BCAS3: variants seen among roughly 807,000 people sequenced by gnomAD.
The protein encoded by BCAS3 is BCAS4/BCAS3 fusion.
Under a neutral mutation model 116.1 loss-of-function variants are expected in BCAS3, and 53 were observed. The observed-to-expected ratio is 0.46, with a 90% confidence interval of 0.37 to 0.57. The LOEUF is 0.57. BCAS3 is among the 20% of genes least tolerant of loss of function. The pLI is 0.00. For synonymous variants in BCAS3, 391 were observed against 408.2 expected (o/e 0.96, Z 0.51); for missense variants, 917 against 1,165.4 (o/e 0.79, Z 3.10).
chr17:61,147,080 A>C (rs2077264074), intron 22 of BCAS3, among the ~76,000 whole-genome samples: 2 of 151,246 alleles, frequency 1.3e-5, no homozygotes, highest in African/African-American at 4.9e-5. Context: ...ATGCCTGGCT[A>C]ATTTTTTTTT....
chr17:60,906,032 A>T (rs539713721), intron 11 of BCAS3, among the ~76,000 whole-genome samples: 1 of 152,342 alleles, frequency 6.6e-6, no homozygotes, highest in South Asian at 2.1e-4. Flanking sequence ...ACTTCCAGAT[A>T]TCCCTTTTCT....
intron 22 of BCAS3, among the ~76,000 whole-genome samples, chr17:61,350,202 G>A (rs753702763): frequency 6.6e-6 from 1 of 151,930 alleles, no homozygotes; most frequent in Non-Finnish European, 1.5e-5. Flanking sequence ...CCACTCTGAG[G>A]TCAGGAGTTT....
intron 22 of BCAS3, among the ~76,000 whole-genome samples, chr17:61,288,400 C>A (rs916969978): frequency 3.9e-5 from 6 of 152,146 alleles, no homozygotes; most frequent in Non-Finnish European, 8.8e-5. Flanking sequence ...GGGAGTGGAT[C>A]CAGGCAGCAA....
chr17:60,932,659 A>G (rs1391869810), intron 13 of BCAS3, among the ~76,000 whole-genome samples: 17 of 145,714 alleles, frequency 1.2e-4, no homozygotes, highest in Non-Finnish European at 1.6e-4. Flanking sequence ...GAAGAATGGC[A>G]TGAACTTGGG....
In BCAS3 at chr17:61,211,248, G is replaced by A. The variant is rs186723215; in HGVS notation, c.2425+126684G>A. Among the ~76,000 whole-genome samples the A allele has an allele frequency of 6.6e-6, 1 of 152,216 alleles. No homozygotes were observed. Among genetic ancestry groups the A allele is most frequent in the Non-Finnish European group, 1.5e-5 (1 of 68,046 alleles). On this transcript the variant is annotated intron_variant, in intron 22 of 23. Coordinates refer to ENST00000407086, the MANE Select transcript of BCAS3 (RefSeq NM_017679.5). This position sits in a 1 kb window ranked among gnomAD's most constrained non-coding sequence, Gnocchi z 4.4. ...CAGTAATCATTGTCTGGTGTGTTCA[G>A]ATGATAATCCAGTTGGCCACCAAGG...
In BCAS3 at chr17:61,363,867, T is replaced by C. The variant is rs1036898025; in HGVS notation, c.2426-4460T>C. On this transcript the variant is annotated intron_variant, in intron 22 of 23. Transcript: ENST00000407086. This position sits in a 1 kb window ranked among gnomAD's most constrained non-coding sequence, Gnocchi z 4.9. ...GGGCTGGTCAGATGAATGATAGCTG[T>C]GCTGTCAACATGGACAAGATGTGCA... Among the ~76,000 whole-genome samples the C allele has an allele frequency of 6.6e-6, 1 of 152,196 alleles. No individual in the cohort carries two copies. Among genetic ancestry groups the C allele is most frequent in the Non-Finnish European group, 1.5e-5 (1 of 68,032 alleles).
chr17:61,152,352 T>C (rs749172979), intron 22 of BCAS3, among the ~76,000 whole-genome samples: 13 of 152,148 alleles, frequency 8.5e-5, no homozygotes, highest in Non-Finnish European at 1.5e-4. Flanking sequence ...AGAGCAATGA[T>C]TGGTGCATTT....
chr17:61,003,509 T>TCTCGATCTCCTGGTCTCAAGCAATCTGCC, intron 15 of BCAS3, among the ~76,000 whole-genome samples: 1 of 151,620 alleles, frequency 6.6e-6, no homozygotes, highest in Admixed American at 6.6e-5. Context: ...CACAATCTGG[T>TCTCGATCTCCTGGTCTCAAGCAATCTGCC]CTCGATCTCC....
Position 61,364,337 on chromosome 17 carries a change from G to A in BCAS3, c.2426-3990G>A, listed in dbSNP as rs1035549015. On this transcript the variant is annotated intron_variant, in intron 22 of 23. Coordinates refer to ENST00000407086, the MANE Select transcript of BCAS3 (RefSeq NM_017679.5). The surrounding 1 kb of genome is among the most constrained non-coding windows in gnomAD (Gnocchi z 5.4). ...AACTCCAAGCAACTCGGGCTGGTTG[G>A]GAGTGGGAAGGGTTTTTAAATGTCA... Among the ~76,000 whole-genome samples, 1 of 152,190 alleles carries A rather than the reference G, an allele frequency of 6.6e-6. No individual in the cohort carries two copies. Among genetic ancestry groups the A allele is most frequent in the East Asian group, 1.9e-4 (1 of 5,198 alleles).
chr17:60,763,591 A>G (rs367843904), intron 6 of BCAS3, among the ~76,000 whole-genome samples: 6,637 of 152,140 alleles, frequency 0.044, 528 homozygotes, highest in African/African-American at 0.15. Flanking sequence ...TGCTGGATTC[A>G]GTTTGCCAGT....
intron 19 of BCAS3, among the ~76,000 whole-genome samples, chr17:61,064,938 T>C (rs2070457862): frequency 6.6e-6 from 1 of 152,228 alleles, no homozygotes; most frequent in Admixed American, 6.5e-5. Flanking sequence ...AGTGATATTC[T>C]GTGGAATTGC....
chr17:61,250,863 A>G (rs143035077), intron 22 of BCAS3, among the ~76,000 whole-genome samples: 206 of 152,312 alleles, frequency 1.4e-3, no homozygotes, highest in African/African-American at 4.9e-3. Flanking sequence ...CAAGGACTCT[A>G]TCAGTCTGGT....
chr17:61,340,851 T>A (rs937246410), intron 22 of BCAS3, among the ~76,000 whole-genome samples: 9 of 152,288 alleles, frequency 5.9e-5, no homozygotes, highest in African/African-American at 1.9e-4. Context: ...TGGAATTGGG[T>A]TAGCAGAGGC....
intron 5 of BCAS3, among the ~76,000 whole-genome samples, chr17:60,710,805 C>CTT (rs547993917): frequency 4.4e-5 from 6 of 135,038 alleles, no homozygotes; most frequent in African/African-American, 1.1e-4. Context: ...CCATTCTGTT[C>CTT]TTTTTTTTTT....
intron 5 of BCAS3, among the ~76,000 whole-genome samples, chr17:60,732,825 G>A (rs1034786002): frequency 3.3e-5 from 5 of 152,092 alleles, no homozygotes; most frequent in Admixed American, 2.6e-4. Flanking sequence ...GCGACAGAGC[G>A]AGACATCGTC....
intron 22 of BCAS3, among the ~76,000 whole-genome samples, chr17:61,100,713 C>T (rs1238729470): frequency 6.6e-6 from 1 of 152,078 alleles, no homozygotes; most frequent in Non-Finnish European, 1.5e-5. Context: ...CTTGCATTTG[C>T]CTGGAACAGT....
intron 22 of BCAS3, among the ~76,000 whole-genome samples, chr17:61,111,608 G>C (rs2075097448): frequency 6.7e-6 from 1 of 150,068 alleles, no homozygotes; most frequent in Admixed American, 6.6e-5. Flanking sequence ...ATCTACGTCT[G>C]ATCGGTGTAC....
At chr17:60,807,359 C>T (rs2048367919) in intron 6 of BCAS3, among the ~76,000 whole-genome samples, 1 of 152,044 alleles carries the variant, frequency 6.6e-6, no homozygotes, top group South Asian at 2.1e-4. Context: ...CTTGAACTAC[C>T]TTTATTTAGT....
At chr17:60,713,505 A>G (rs535879686) in intron 5 of BCAS3, among the ~76,000 whole-genome samples, 29 of 152,316 alleles carry the variant, frequency 1.9e-4, no homozygotes, top group African/African-American at 6.7e-4. Context: ...GCGCATCTGC[A>G]GATTCAACCA....
Sources: gnomAD v4.1 joint callset for allele counts (sites outside exome capture counted in the v4.1 genomes callset) on GRCh38, gnomAD v4.1.1 for gene constraint, Gnocchi (gnomAD v3.1) non-coding constraint, MANE v1.5 for transcripts, NCBI Gene and HGNC (gene_info 2026-07-23, HGNC 2026-07-21) for gene names.